Variants in UBXN4 observed in about 807,000 individuals in gnomAD.
The protein encoded by UBXN4 is UBX domain-containing protein 4.
UBXN4 carries 35 observed loss-of-function variants against 66.2 expected under a neutral mutation model. That is an observed-to-expected ratio of 0.53 (90% CI 0.40 to 0.70). UBXN4 has a LOEUF of 0.70. Among genes scored for constraint, UBXN4 ranks in the 30% least tolerant of loss-of-function variants. The probability of loss-of-function intolerance (pLI) is 0.00; values close to 1 mark genes in which losing one functional copy is unlikely to be tolerated. For synonymous variants in UBXN4, 203 were observed against 204.5 expected (o/e 0.99, Z 0.06); for missense variants, 533 against 599.8 (o/e 0.89, Z 1.16).
At chr2:135,754,941 G>A (rs2077270850) in intron 4 of UBXN4, among the ~76,000 whole-genome samples, 1 of 151,838 alleles carries the variant, frequency 6.6e-6, no homozygotes. Context: ...ATGCCACCAT[G>A]CCCAGCTAAT....
Position 135,741,992 on chromosome 2 carries a change from C to G in UBXN4, c.63C>G (p.Val21=). Residue 21 remains valine (V), a synonymous_variant, in exon 1 of 13, where the codon GTC becomes GTG. Coordinates refer to ENST00000272638, the MANE Select transcript of UBXN4 (RefSeq NM_014607.4). The part of the protein sequence containing the change: ...AIATAKRSGA[V]FVVFVAGDDE... ...CGACGGCCAAAAGGAGCGGCGCGGT[C>G]TTCGTGGTGTTCGTGGCAGGTGAAG... 1 of 1,613,446 alleles carries G rather than the reference C, an allele frequency of 6.2e-7. No individual in the cohort carries two copies. Among genetic ancestry groups the G allele is most frequent in the Non-Finnish European group, 8.5e-7 (1 of 1,179,726 alleles).
chr2:135,774,103 TC>T (rs1321180278), intron 9 of UBXN4, among the ~76,000 whole-genome samples: 1 of 152,218 alleles, frequency 6.6e-6, no homozygotes, highest in Admixed American at 6.5e-5. Context: ...GACTCATACT[TC>T]CTGATTTTCA....
chr2:135,754,575 G>T (rs148522319), intron 4 of UBXN4, among the ~76,000 whole-genome samples: 14 of 151,902 alleles, frequency 9.2e-5, no homozygotes, highest in African/African-American at 3.4e-4. Context: ...TGCCCGCCTC[G>T]GCCTCCCAAA....
intron 2 of UBXN4, among the ~76,000 whole-genome samples, chr2:135,749,845 C>T (rs2077231517): frequency 6.6e-6 from 1 of 152,218 alleles, no homozygotes; most frequent in South Asian, 2.1e-4. Context: ...GCTTCTCCTC[C>T]AACTCCCCTG....
chr2:135,775,481 T>C (rs572657125), intron 9 of UBXN4, among the ~76,000 whole-genome samples: 1 of 152,334 alleles, frequency 6.6e-6, no homozygotes, highest in Admixed American at 6.5e-5. Context: ...AACTGATACC[T>C]GCAACAACAT....
intron 12 of UBXN4, 72 bp downstream of exon 12, chr2:135,780,457 G>C: frequency 6.8e-7 from 1 of 1,473,690 alleles, no homozygotes; most frequent in Non-Finnish European, 9.5e-7. Flanking sequence ...GTAAAAAGTT[G>C]AGTACTTTGC....
chr2:135,764,651 C>T (rs931281171), intron 6 of UBXN4, among the ~76,000 whole-genome samples: 2 of 151,804 alleles, frequency 1.3e-5, no homozygotes, highest in African/African-American at 2.4e-5. Flanking sequence ...TACAGGCATG[C>T]ACCACCACAC....
chr2:135,749,519 G>A lies in UBXN4; in HGVS notation c.185+1150G>A, dbSNP rs1045130400. On this transcript the variant is annotated intron_variant, in intron 2 of 12. Coordinates refer to ENST00000272638, the MANE Select transcript of UBXN4 (RefSeq NM_014607.4). ...AGCTTTGGTAATTAACTCATGGTCA[G>A]TCTTGTTTCATCTATACCTCCACCC... Among the ~76,000 whole-genome samples the A allele has an allele frequency of 2.9e-4, 44 of 152,196 alleles. 1 individual carries two copies. The highest frequency in any genetic ancestry group is 1.1e-3 in the African/African-American group (44 of 41,458).
intron 12 of UBXN4, among the ~76,000 whole-genome samples, chr2:135,780,722 C>G (rs1051075361): frequency 2.0e-5 from 3 of 152,156 alleles, no homozygotes; most frequent in Non-Finnish European, 4.4e-5. Context: ...GTTTGCTTGA[C>G]AAGATAGTTC....
intron 6 of UBXN4, among the ~76,000 whole-genome samples, chr2:135,767,638 G>A (rs2077356351): frequency 6.6e-6 from 1 of 152,100 alleles, no homozygotes; most frequent in South Asian, 2.1e-4. Flanking sequence ...ACTCTACCTT[G>A]ATTTATTAAT....
chr2:135,782,964 G>C lies in UBXN4; in HGVS notation c.*77G>C. 6.8e-7 allele frequency: 1 copy of C among 1,472,742 alleles called. No homozygotes were observed. 91.2% of individuals were successfully genotyped at this position (1,472,742 alleles called of 1,614,324 possible). ...CAACTAAAATTCTACTGGAGAAGTGGGACTGCTTTATATTTTCCAACTGGT... is the reference window on the plus strand; with the variant it reads ...CAACTAAAATTCTACTGGAGAAGTGCGACTGCTTTATATTTTCCAACTGGT... On this transcript the variant is annotated 3_prime_UTR_variant, in exon 13 of 13. Coordinates refer to ENST00000272638, the MANE Select transcript of UBXN4 (RefSeq NM_014607.4).
intron 1 of UBXN4, among the ~76,000 whole-genome samples, chr2:135,743,171 A>C (rs751472486): frequency 2.0e-5 from 3 of 152,246 alleles, no homozygotes; most frequent in Admixed American, 6.5e-5. Flanking sequence ...GTGAAGAACG[A>C]ATTACTGAAA....
rs1376827412 is a variant in UBXN4, at chr2:135,760,598, CT to C, written c.509-1216del. Among the ~76,000 whole-genome samples, 4 of 152,188 alleles carry C rather than the reference CT, an allele frequency of 2.6e-5. 1 individual carries two copies. The South Asian group carries it at 6.2e-4, about 24-fold the overall frequency. The stretch of plus-strand genomic sequence containing the variant: ...CACCTAACTGTACTCTTATTCAACA[CT>C]TTTCCCCCAGCTTGTCCACAGGTTA... On this transcript the variant is annotated intron_variant, in intron 5 of 12. Transcript: ENST00000272638.
At chr2:135,767,224 G>T (rs549525098) in intron 6 of UBXN4, among the ~76,000 whole-genome samples, 1 of 152,282 alleles carries the variant, frequency 6.6e-6, no homozygotes, top group African/African-American at 2.4e-5. Context: ...AGCTGGGCGT[G>T]GGGGTGTGCA....
chr2:135,750,835 C>CTTTTTTT (rs1166056661), intron 2 of UBXN4, among the ~76,000 whole-genome samples: 4 of 77,472 alleles, frequency 5.2e-5, no homozygotes, highest in East Asian at 4.8e-4. Flanking sequence ...ATGTGTCTGG[C>CTTTTTTT]TTTTTTTTTT....
intron 2 of UBXN4, among the ~76,000 whole-genome samples, chr2:135,751,759 AT>A (rs2077243113): frequency 1.3e-5 from 2 of 151,318 alleles, no homozygotes; most frequent in African/African-American, 4.9e-5. Flanking sequence ...ATTTTGGGTA[AT>A]TTTTTTTCTT....
chr2:135,771,140 T>C (rs896930106), intron 8 of UBXN4, among the ~76,000 whole-genome samples: 3 of 152,118 alleles, frequency 2.0e-5, no homozygotes, highest in African/African-American at 7.2e-5. Context: ...ATCATAAAGC[T>C]TAGTTTGCAA....
At chr2:135,747,431 T>C (rs1054860388) in intron 1 of UBXN4, among the ~76,000 whole-genome samples, 9 of 150,096 alleles carry the variant, frequency 6.0e-5, no homozygotes, top group African/African-American at 2.2e-4. Flanking sequence ...AGGTAGCCAC[T>C]ATACTGAATT....
chr2:135,779,612 A>G (rs1485455954), intron 11 of UBXN4, among the ~76,000 whole-genome samples: 1 of 151,936 alleles, frequency 6.6e-6, no homozygotes, highest in Non-Finnish European at 1.5e-5. Context: ...CCACCCCAAA[A>G]CAGTTAGCTC....
Sources: allele counts gnomAD v4.1 joint callset (sites outside exome capture counted in the v4.1 genomes callset), GRCh38; gene constraint gnomAD v4.1.1; transcripts MANE v1.5; gene names NCBI Gene and HGNC (gene_info 2026-07-23, HGNC 2026-07-21).